TEKT5: variants seen among roughly 807,000 people sequenced by gnomAD.
TEKT5 encodes tektin 5, also known as tektin-5.
A neutral mutation model predicts 48.7 loss-of-function variants in TEKT5; 52 were observed. The observed-to-expected ratio is 1.07, with a 90% CI of 0.86 to 1.35. The LOEUF (loss-of-function observed/expected upper bound fraction) is 1.35, where lower values mean the gene tolerates loss of function less well. Ranked by LOEUF, TEKT5 falls within the 40% of genes most tolerant of loss-of-function variation. The pLI is 0.00. For missense variants in TEKT5, 831 were observed against 641.6 expected (o/e 1.30, Z -3.19); for synonymous variants, 318 against 267.6 (o/e 1.19, Z -1.84).
intron 3 of TEKT5, among the ~76,000 whole-genome samples, chr16:10,688,478 G>A (rs74009819): frequency 0.015 from 2,259 of 152,300 alleles, 58 homozygotes; most frequent in African/African-American, 0.053. Flanking sequence ...GCACCAGGCA[G>A]CGGGAGGGAC....
At chr16:10,677,302 C>T (rs949468695) in intron 4 of TEKT5, among the ~76,000 whole-genome samples, 1 of 112,980 alleles carries the variant, frequency 8.9e-6, no homozygotes. Context: ...GTGTTGAGAT[C>T]GTCTGGGATT....
chr16:10,690,503 G>A, intron 1 of TEKT5: 2 of 903,254 alleles, frequency 2.2e-6, no homozygotes, highest in Non-Finnish European at 2.6e-6. Flanking sequence ...TCTGCAGATG[G>A]GTGCCATATT....
At chr16:10,681,964 G>C (rs1328292418) in intron 4 of TEKT5, 29 bp downstream of exon 4, 2 of 1,610,354 alleles carry the variant, frequency 1.2e-6, no homozygotes, top group African/African-American at 1.3e-5. Context: ...GGACACGCCA[G>C]GGATGGGGAG....
rs776082797 is a variant in TEKT5 at position 10,675,956 on chromosome 16, C to T, written c.1086+3G>A. ...GGCAGGGGTCCTGGGAGGATCTGCTCACCTTCGCCAGCTGCGTCTGCAGCT... is the reference window on the plus strand; with the variant it reads ...GGCAGGGGTCCTGGGAGGATCTGCTTACCTTCGCCAGCTGCGTCTGCAGCT... On this transcript the variant is annotated splice_donor_region_variant and intron_variant, in intron 5 of 6. Coordinates refer to ENST00000283025, the MANE Select transcript of TEKT5 (RefSeq NM_144674.2). 5.0e-6 allele frequency: 8 copies of T among 1,613,914 alleles called. No homozygotes were observed. The highest frequency in any genetic ancestry group is 1.3e-5 in the African/African-American group (1 of 74,932).
intron 6 of TEKT5, among the ~76,000 whole-genome samples, chr16:10,633,800 C>T (rs1000547823): frequency 3.3e-5 from 5 of 152,144 alleles, no homozygotes; most frequent in African/African-American, 9.7e-5. Flanking sequence ...CCTGCCTCGG[C>T]CTTCCAAAGT....
rs1455646606 is a variant in TEKT5 at position 10,627,736 on chromosome 16, C to T, written c.1305G>A (p.Glu435=). Reference sequence around the variant, plus strand: ...CCAGCAGCTGCAGCGTGTCCTGTGTCTCCCGCAGCCGCAGCTTGAGGGTCT... The same window carrying T: ...CCAGCAGCTGCAGCGTGTCCTGTGTTTCCCGCAGCCGCAGCTTGAGGGTCT... ...TLQTLKLRLR[E]TQDTLQLLVM... is the part of the protein sequence containing the mutation. Residue 435 remains glutamate, a synonymous_variant, in exon 7 of 7, where the codon GAG becomes GAA. Transcript: ENST00000283025. The T allele has an allele frequency of 1.2e-6, 2 of 1,614,196 alleles. No individual in the cohort carries two copies. Among genetic ancestry groups the T allele is most frequent in the South Asian group, 2.2e-5 (2 of 91,062 alleles).
intron 5 of TEKT5, among the ~76,000 whole-genome samples, chr16:10,650,109 T>C (rs1898130709): frequency 7.8e-6 from 1 of 128,090 alleles, no homozygotes; most frequent in African/African-American, 3.0e-5. Context: ...TCTTGCTCTA[T>C]TGCCCACGCT....
intron 6 of TEKT5, among the ~76,000 whole-genome samples, chr16:10,630,209 C>CA (rs1361730727): frequency 6.6e-6 from 1 of 152,026 alleles, no homozygotes; most frequent in Non-Finnish European, 1.5e-5. Context: ...GCTGAGATTA[C>CA]AGGCATGAGC....
At chr16:10,655,874 A>T (rs1450469604) in intron 5 of TEKT5, among the ~76,000 whole-genome samples, 1 of 152,158 alleles carries the variant, frequency 6.6e-6, no homozygotes, top group Non-Finnish European at 1.5e-5. Flanking sequence ...CTTGCAACCC[A>T]AGATTTATTT....
chr16:10,648,172 C>T (rs1489717006), intron 5 of TEKT5, among the ~76,000 whole-genome samples: 2 of 152,212 alleles, frequency 1.3e-5, no homozygotes, highest in Non-Finnish European at 2.9e-5. Context: ...AGCAGAGGAA[C>T]AAGGGCACAG....
chr16:10,660,728 T>C (rs1898355403), intron 5 of TEKT5, among the ~76,000 whole-genome samples: 1 of 151,224 alleles, frequency 6.6e-6, no homozygotes, highest in Admixed American at 6.6e-5. Flanking sequence ...GAAGACAGAG[T>C]CTTGCTCTGT....
intron 4 of TEKT5, among the ~76,000 whole-genome samples, chr16:10,678,479 G>C (rs1898688471): frequency 6.6e-6 from 1 of 152,242 alleles, no homozygotes; most frequent in Admixed American, 6.5e-5. Flanking sequence ...TGATTGTTTT[G>C]CTTGGCTTTT....
rs116284244 is a variant in TEKT5, at chr16:10,661,625, T to G, written c.1086+14334A>C. On this transcript the variant is annotated intron_variant, in intron 5 of 6. Transcript: ENST00000283025. ...GTGGACAATTGCTAAAGAAACGAGGTCACCAAAGTATCCAAAAGATGAAGT... is the reference window on the plus strand; with the variant it reads ...GTGGACAATTGCTAAAGAAACGAGGGCACCAAAGTATCCAAAAGATGAAGT... Among the ~76,000 whole-genome samples, 372 of 152,182 alleles carry G rather than the reference T, an allele frequency of 2.4e-3. 1 individual carries two copies. The highest frequency in any genetic ancestry group is 8.5e-3 in the African/African-American group (352 of 41,546).
At position 10,681,040 on chromosome 16, in the gene TEKT5, A is replaced by G. The variant is rs556149708; in HGVS notation, c.863+953T>C. On this transcript the variant is annotated intron_variant, in intron 4 of 6. Coordinates refer to ENST00000283025, the MANE Select transcript of TEKT5 (RefSeq NM_144674.2). Reference sequence around the variant, plus strand: ...TAATAAATAAATAAATAAGAAAAATACCAAAAAAAAAAAAAAAACCTCACA... The same window carrying G: ...TAATAAATAAATAAATAAGAAAAATGCCAAAAAAAAAAAAAAAACCTCACA... Among the ~76,000 whole-genome samples the G allele has an allele frequency of 6.0e-3, 735 of 123,518 alleles. 2 individuals carry two copies. Among genetic ancestry groups the G allele is most frequent in the Non-Finnish European group, 9.3e-3 (549 of 59,106 alleles). The allele number at this position is 123,518 out of a possible 152,430, so 81.0% of individuals were successfully genotyped here.
In TEKT5 at chr16:10,656,396, C is replaced by T. The variant is rs529126706; in HGVS notation, c.1086+19563G>A. Among the ~76,000 whole-genome samples, 87 of 151,894 alleles carry T rather than the reference C, an allele frequency of 5.7e-4. 1 individual carries two copies. Among genetic ancestry groups the T allele is most frequent in the Middle Eastern group, 3.4e-3 (1 of 294 alleles). On this transcript the variant is annotated intron_variant, in intron 5 of 6. Transcript: ENST00000283025. ...CCTCCTGAGTACCTGGGACTACAGG[C>T]GTGTGCCACCACACCCAGCTAATTA...
intron 5 of TEKT5, among the ~76,000 whole-genome samples, chr16:10,657,876 A>C (rs762188484): frequency 6.6e-5 from 10 of 151,696 alleles, no homozygotes; most frequent in Non-Finnish European, 1.2e-4. Context: ...CCGGGATTAC[A>C]GGCGTGAACC....
chr16:10,660,951 C>T (rs1814265), intron 5 of TEKT5, among the ~76,000 whole-genome samples: 96,718 of 151,942 alleles, frequency 0.64, 31,113 homozygotes, highest in Admixed American at 0.74. Context: ...TCTGCCCACC[C>T]TGGCCTCCCA....
intron 5 of TEKT5, among the ~76,000 whole-genome samples, chr16:10,672,552 C>T (rs985453235): frequency 2.0e-5 from 3 of 152,118 alleles, no homozygotes; most frequent in East Asian, 1.9e-4. Flanking sequence ...GCCGAGATTG[C>T]GCCACTGCAC....
chr16:10,642,046 C>G (rs1037618002), intron 5 of TEKT5, among the ~76,000 whole-genome samples: 1 of 152,260 alleles, frequency 6.6e-6, no homozygotes, highest in Admixed American at 6.5e-5. Flanking sequence ...TGAGACATGA[C>G]AGAGCTACTG....
Sources: gnomAD v4.1 joint callset for allele counts (sites outside exome capture counted in the v4.1 genomes callset) on GRCh38, gnomAD v4.1.1 for gene constraint, MANE v1.5 for transcripts, NCBI Gene and HGNC (gene_info 2026-07-23, HGNC 2026-07-21) for gene names.